ZCCHC24: variants seen among roughly 807,000 people sequenced by gnomAD.
ZCCHC24 encodes zinc finger CCHC-type containing 24.
Under a neutral mutation model 26.2 loss-of-function variants are expected in ZCCHC24, and 10 were observed. The observed-to-expected ratio is 0.38, with a 90% CI of 0.24 to 0.65. The LOEUF (loss-of-function observed/expected upper bound fraction) is 0.65. Among genes scored for constraint, ZCCHC24 ranks in the 30% least tolerant of loss-of-function variants. The pLI, the probability that ZCCHC24 is intolerant of heterozygous loss-of-function variation, is 0.54. For synonymous variants in ZCCHC24, 144 were observed against 147.1 expected, an observed-to-expected ratio of 0.98 and a Z score of 0.15; for missense variants, 243 against 329.1, an observed-to-expected ratio of 0.74 and a Z score of 2.03.
chr10:79,442,827 C>CCTGT (rs1250412956), intron 1 of ZCCHC24, among the ~76,000 whole-genome samples: 2 of 152,178 alleles, frequency 1.3e-5, no homozygotes, highest in Non-Finnish European at 2.9e-5. Context: ...GCAGGAAAGG[C>CCTGT]CTGTCCTCAG....
chr10:79,395,593 A>G (rs1476874663), intron 2 of ZCCHC24, among the ~76,000 whole-genome samples: 1 of 152,196 alleles, frequency 6.6e-6, no homozygotes, highest in African/African-American at 2.4e-5. Flanking sequence ...CATTATCACC[A>G]ATCTAAAAGG....
At chr10:79,428,496 A>G in intron 2 of ZCCHC24, among the ~76,000 whole-genome samples, 1 of 101,646 alleles carries the variant, frequency 9.8e-6, no homozygotes. Flanking sequence ...AGATAAAAAG[A>G]GCTCTGTGGC....
intron 2 of ZCCHC24, among the ~76,000 whole-genome samples, chr10:79,400,943 T>A (rs1340218565): frequency 1.3e-5 from 2 of 152,260 alleles, no homozygotes; most frequent in African/African-American, 4.8e-5. Flanking sequence ...TCCAGGTGCT[T>A]GAAGTCCCAC....
intron 2 of ZCCHC24, among the ~76,000 whole-genome samples, chr10:79,417,526 A>T (rs1856880375): frequency 6.6e-6 from 1 of 152,234 alleles, no homozygotes; most frequent in Admixed American, 6.5e-5. Flanking sequence ...GAGCAGTGGG[A>T]AAGGCACGGC....
intron 1 of ZCCHC24, among the ~76,000 whole-genome samples, chr10:79,444,851 C>T (rs1204280351): frequency 6.6e-6 from 1 of 152,206 alleles, no homozygotes; most frequent in Admixed American, 6.5e-5. Context: ...CCGCCCAGGC[C>T]GCACCCCAGC....
At chr10:79,408,432 C>A (rs1856746792) in intron 2 of ZCCHC24, among the ~76,000 whole-genome samples, 1 of 152,136 alleles carries the variant, frequency 6.6e-6, no homozygotes, top group Non-Finnish European at 1.5e-5. Flanking sequence ...GGCCAAACAA[C>A]CAGCCAGGGA....
At chr10:79,434,928 TC>T (rs1220313764) in intron 1 of ZCCHC24, among the ~76,000 whole-genome samples, 1 of 151,628 alleles carries the variant, frequency 6.6e-6, no homozygotes, top group East Asian at 1.9e-4. Context: ...TTTTTCAAGC[TC>T]CCCCAGGCAA....
chr10:79,440,754 G>A (rs73303098), intron 1 of ZCCHC24, among the ~76,000 whole-genome samples: 3,389 of 152,208 alleles, frequency 0.022, 122 homozygotes, highest in African/African-American at 0.075. Context: ...ATCTCCTCCC[G>A]GAGCCCTCCT....
At chr10:79,439,225 C>T (rs1857258564) in intron 1 of ZCCHC24, among the ~76,000 whole-genome samples, 1 of 152,256 alleles carries the variant, frequency 6.6e-6, no homozygotes, top group Non-Finnish European at 1.5e-5. Flanking sequence ...AAAGAGGTCC[C>T]TAACCAAAGA....
intron 2 of ZCCHC24, among the ~76,000 whole-genome samples, chr10:79,396,013 C>T (rs926188244): frequency 2.0e-5 from 3 of 152,226 alleles, no homozygotes; most frequent in Admixed American, 6.5e-5. Flanking sequence ...ACTCCCACTT[C>T]CTTATCCCAC....
intron 2 of ZCCHC24, among the ~76,000 whole-genome samples, chr10:79,406,814 T>C (rs1856720819): frequency 2.0e-5 from 3 of 152,210 alleles, no homozygotes; most frequent in Non-Finnish European, 2.9e-5. Context: ...CTACATGGCC[T>C]TGAGCTCTGA....
chr10:79,424,703 G>A (rs1395508567), intron 2 of ZCCHC24, among the ~76,000 whole-genome samples: 1 of 152,196 alleles, frequency 6.6e-6, no homozygotes, highest in African/African-American at 2.4e-5. Flanking sequence ...TAAAGTCCAA[G>A]TTTGCACAGC....
intron 1 of ZCCHC24, among the ~76,000 whole-genome samples, chr10:79,437,030 G>A (rs187991839): frequency 2.6e-5 from 4 of 152,176 alleles, no homozygotes. Context: ...AGGAAGGTGG[G>A]AAGACGTTAT....
intron 2 of ZCCHC24, among the ~76,000 whole-genome samples, chr10:79,427,052 C>T (rs1036172249): frequency 3.3e-5 from 5 of 150,274 alleles, no homozygotes; most frequent in Non-Finnish European, 7.4e-5. Flanking sequence ...TAATATCAGA[C>T]AAAATATACT....
intron 1 of ZCCHC24, among the ~76,000 whole-genome samples, chr10:79,435,274 G>C (rs1857200884): frequency 1.3e-5 from 2 of 151,094 alleles, no homozygotes; most frequent in Admixed American, 1.3e-4. Flanking sequence ...GAATCAGGCT[G>C]TTTGGCAGCA....
In ZCCHC24 at chr10:79,440,306, CCTT is replaced by C. The variant is rs1857275167; in HGVS notation, c.246+4886_246+4888del. On this transcript the variant is annotated intron_variant, in intron 1 of 3. Coordinates refer to ENST00000372336, the MANE Select transcript of ZCCHC24 (RefSeq NM_153367.4). ...AAAGTGCTCAGTGCCCATCTTCTCT[CCTT>C]CTCCTAAAGCAGGCCAGCCCTGGAC... Among the ~76,000 whole-genome samples, 4 of 152,354 alleles carry C rather than the reference CCTT, an allele frequency of 2.6e-5. No homozygotes were observed. In the South Asian group the frequency reaches 6.2e-4, roughly 24 times the overall value.
chr10:79,396,035 CA>C (rs1856542655), intron 2 of ZCCHC24, among the ~76,000 whole-genome samples: 1 of 152,218 alleles, frequency 6.6e-6, no homozygotes, highest in South Asian at 2.1e-4. Flanking sequence ...CAGCCCTAGG[CA>C]GCCACTAGTG....
chr10:79,386,898 T>C (rs1423084788), intron 3 of ZCCHC24, among the ~76,000 whole-genome samples: 1 of 152,104 alleles, frequency 6.6e-6, no homozygotes, highest in Non-Finnish European at 1.5e-5. Context: ...AGGACACGGG[T>C]GCAGCCTGTC....
intron 2 of ZCCHC24, among the ~76,000 whole-genome samples, chr10:79,427,643 A>G (rs1448219419): frequency 1.3e-5 from 2 of 152,228 alleles, no homozygotes; most frequent in Admixed American, 1.3e-4. Flanking sequence ...CCTGTGATAA[A>G]TGAAAATAAG....
Sources: allele counts gnomAD v4.1 joint callset (sites outside exome capture counted in the v4.1 genomes callset), GRCh38; gene constraint gnomAD v4.1.1; transcripts MANE v1.5; gene names NCBI Gene and HGNC (gene_info 2026-07-23, HGNC 2026-07-21).